The following BARD1 variants were observed in gnomAD, a reference collection of about 807,000 sequenced individuals.
BARD1 encodes BRCA1 associated RING domain 1, also known as BRCA1-associated RING domain protein 1.
A neutral mutation model predicts 77.0 loss-of-function variants in BARD1; 73 were observed. The ratio of observed to expected loss-of-function variants is 0.95; its 90% CI spans 0.79 to 1.15. BARD1 has a LOEUF of 1.15. Ranked by LOEUF, BARD1 falls within the 50% of genes most tolerant of loss-of-function variation. BARD1 has a pLI of 0.00. For missense variants in BARD1, 993 were observed against 938.8 expected, an observed-to-expected ratio of 1.06 and a Z score of -0.75; for synonymous variants, 384 against 338.0, an observed-to-expected ratio of 1.14 and a Z score of -1.49.
intron 3 of BARD1, among the ~76,000 whole-genome samples, chr2:214,784,559 T>G (rs1695184938): frequency 6.6e-6 from 1 of 152,176 alleles, no homozygotes; most frequent in Admixed American, 6.5e-5. Context: ...ATCATTCTAC[T>G]ATAAAGACAC....
intron 6 of BARD1, among the ~76,000 whole-genome samples, chr2:214,764,859 C>A (rs1211016252): frequency 6.6e-6 from 1 of 152,078 alleles, no homozygotes; most frequent in Non-Finnish European, 1.5e-5. Context: ...AGGCAAAAAA[C>A]ACAGGAAAAA....
At chr2:214,730,283 T>G in intron 10 of BARD1, 128 bp downstream of exon 10, 1 of 788,640 alleles carries the variant, frequency 1.3e-6, no homozygotes. Flanking sequence ...ATCAAGTGCT[T>G]GAAATAAGCA....
At chr2:214,796,198 A>G (rs971572046) in intron 2 of BARD1, among the ~76,000 whole-genome samples, 7 of 152,210 alleles carry the variant, frequency 4.6e-5, no homozygotes, top group South Asian at 2.1e-4. Context: ...TGAACAAGAA[A>G]TAAGAGATAA....
chr2:214,730,382 C>T (rs1234585768), intron 10 of BARD1, 29 bp downstream of exon 10: 1 of 1,570,296 alleles, frequency 6.4e-7, no homozygotes, highest in African/African-American at 1.4e-5. Context: ...ATAATAAGAA[C>T]AATGAAAGTT....
chr2:214,779,792 C>T (rs948622531), intron 4 of BARD1, among the ~76,000 whole-genome samples: 1 of 152,166 alleles, frequency 6.6e-6, no homozygotes, highest in Admixed American at 6.6e-5. Flanking sequence ...AAAAGCTATC[C>T]TAATTTAGTA....
At chr2:214,772,553 G>C (rs951023246) in intron 4 of BARD1, among the ~76,000 whole-genome samples, 1 of 152,128 alleles carries the variant, frequency 6.6e-6, no homozygotes, top group Non-Finnish European at 1.5e-5. Context: ...ACAATTTAAA[G>C]AATACAAGTA....
At chr2:214,774,605 T>C (rs1352367176) in intron 4 of BARD1, among the ~76,000 whole-genome samples, 3 of 152,168 alleles carry the variant, frequency 2.0e-5, no homozygotes, top group Non-Finnish European at 4.4e-5. Context: ...GCTTTGTTGT[T>C]CTAAATGGTA....
In BARD1 at chr2:214,781,326, AC is replaced by A. The variant is rs757693125; in HGVS notation, c.547del (p.Val183PhefsTer29). 6.2e-7 allele frequency: 1 copy of A among 1,612,994 alleles called. No individual in the cohort carries two copies. The highest frequency in any genetic ancestry group is 2.2e-5 in the East Asian group (1 of 44,854). On this transcript the variant is annotated frameshift_variant, in exon 4 of 11. Coordinates refer to ENST00000260947, the MANE Select transcript of BARD1 (RefSeq NM_000465.4). LOFTEE classifies it high-confidence loss of function. ...AACATCTGCAGGAGGACTTGGGGAA[AC>A]AAATTCATATGAGTCTTGCTGAGCA... ...ASAQQDSYEF[V>X]SPSPPADVSE...
chr2:214,806,500 G>T (rs1467526322), intron 1 of BARD1, among the ~76,000 whole-genome samples: 1 of 152,170 alleles, frequency 6.6e-6, no homozygotes, highest in Non-Finnish European at 1.5e-5. Flanking sequence ...GGTGCAGCTG[G>T]CCATGCTTTT....
intron 9 of BARD1, among the ~76,000 whole-genome samples, chr2:214,738,674 C>T (rs1220999123): frequency 6.6e-6 from 1 of 151,862 alleles, no homozygotes; most frequent in Non-Finnish European, 1.5e-5. Context: ...GAGGGGTGTT[C>T]CTGAATCCAC....
In BARD1 at chr2:214,727,992, T is replaced by C; in HGVS notation, c.*684A>G. On this transcript the variant is annotated 3_prime_UTR_variant, in exon 11 of 11. Coordinates refer to ENST00000260947, the MANE Select transcript of BARD1 (RefSeq NM_000465.4). ...TTACAAATTGATAGTTACAAGCAAA[T>C]GTACAGAATAAAAATATGTACCATG... 4.6e-6 allele frequency: 1 copy of C among 218,066 alleles called. No homozygotes were observed. The highest frequency in any genetic ancestry group is 9.2e-6 in the Non-Finnish European group (1 of 108,510). The allele number at this position is 218,066 out of a possible 1,614,324, so 13.5% of individuals were successfully genotyped here.
intron 6 of BARD1, among the ~76,000 whole-genome samples, chr2:214,756,140 G>T (rs1252520585): frequency 1.3e-5 from 2 of 152,134 alleles, no homozygotes; most frequent in African/African-American, 4.8e-5. Context: ...TGGAGGTGGG[G>T]CCTGGTGGGA....
At chr2:214,753,822 A>G (rs1693570746) in intron 6 of BARD1, among the ~76,000 whole-genome samples, 1 of 152,172 alleles carries the variant, frequency 6.6e-6, no homozygotes, top group Non-Finnish European at 1.5e-5. Context: ...ATTCGTGACT[A>G]TCAGGTCCAA....
chr2:214,778,232 T>C lies in BARD1; in HGVS notation c.1314+2328A>G, dbSNP rs1440291091. 6.5e-5 allele frequency among the ~76,000 whole-genome samples: 8 copies of C among 123,832 alleles called. 1 individual carries two copies. The South Asian group carries it at 1.1e-3, about 16-fold the overall frequency. 81.2% of individuals were successfully genotyped at this position (123,832 alleles called of 152,430 possible). A position where few individuals can be genotyped will look rare whatever the true frequency, so the allele number is the denominator to read the frequency against. Reference sequence around the variant, plus strand: ...CCCACCCCCAAAAAAGAAAAAAATATATAAATATATTTATATAAGCAAATC... The same window carrying C: ...CCCACCCCCAAAAAAGAAAAAAATACATAAATATATTTATATAAGCAAATC... On this transcript the variant is annotated intron_variant, in intron 4 of 10. Coordinates refer to ENST00000260947, the MANE Select transcript of BARD1 (RefSeq NM_000465.4).
At chr2:214,761,148 T>C (rs755432301) in intron 6 of BARD1, among the ~76,000 whole-genome samples, 19 of 152,068 alleles carry the variant, frequency 1.2e-4, no homozygotes, top group Non-Finnish European at 2.8e-4. Flanking sequence ...TGATTACTAC[T>C]AATAACAAAA....
In BARD1 at chr2:214,801,153, CTTTA is replaced by C. The variant is rs768251354; in HGVS notation, c.159-4040_159-4037del. Among the ~76,000 whole-genome samples the C allele has an allele frequency of 2.6e-4, 39 of 152,172 alleles. 1 individual carries two copies. The highest frequency in any genetic ancestry group is 2.5e-3 in the East Asian group (13 of 5,190). Reference sequence around the variant, plus strand: ...CTCTGTCAACTACGTTCATGTATAACTTTATTTAAAAACATTTTAAATGTAAAGG... The same window carrying C: ...CTCTGTCAACTACGTTCATGTATAACTTTAAAAACATTTTAAATGTAAAGG... On this transcript the variant is annotated intron_variant, in intron 1 of 10. Transcript: ENST00000260947.
chr2:214,795,729 T>A lies in BARD1; in HGVS notation c.215+1332A>T, dbSNP rs558696263. ...AGGCAGAACTGACAGAACTTAGCGA[T>A]GTGGGATAAGCAACCTAGCAGTAAC... On this transcript the variant is annotated intron_variant, in intron 2 of 10. Transcript: ENST00000260947. Among the ~76,000 whole-genome samples, 16 of 152,268 alleles carry A rather than the reference T, an allele frequency of 1.1e-4. No homozygotes were observed. In the East Asian group the frequency reaches 2.9e-3, roughly 28 times the overall value.
chr2:214,779,282 G>A (rs1305026915), intron 4 of BARD1, among the ~76,000 whole-genome samples: 1 of 152,078 alleles, frequency 6.6e-6, no homozygotes, highest in Non-Finnish European at 1.5e-5. Context: ...TGATGTATTT[G>A]CAAATAACCT....
chr2:214,731,986 T>C (rs571423145), intron 9 of BARD1, among the ~76,000 whole-genome samples: 4 of 152,358 alleles, frequency 2.6e-5, no homozygotes, highest in African/African-American at 9.6e-5. Flanking sequence ...GAGTTACACA[T>C]AGTTTTGAAT....
Sources: allele counts gnomAD v4.1 joint callset (sites outside exome capture counted in the v4.1 genomes callset), GRCh38; gene constraint gnomAD v4.1.1; transcripts MANE v1.5; gene names NCBI Gene and HGNC (gene_info 2026-07-23, HGNC 2026-07-21).